The following RIN2 variants were observed in gnomAD, a reference collection of about 807,000 sequenced individuals.
RIN2 encodes RAB5 interacting protein 2.
In RIN2, 36 loss-of-function variants were observed where a neutral mutation model predicts 78.0. The observed-to-expected ratio is 0.46, with a 90% CI of 0.35 to 0.61. The LOEUF (loss-of-function observed/expected upper bound fraction) is 0.61. Ranked by LOEUF, RIN2 falls within the 20% of genes least tolerant of loss-of-function variation. RIN2 has a pLI of 0.00. For missense variants in RIN2, 1,087 were observed against 1,159.7 expected (o/e 0.94, Z 0.91); for synonymous variants, 466 against 466.8 (o/e 1.00, Z 0.02).
chr20:19,787,445 AAGAGAG>A (rs1182054268), intron 1 of RIN2, among the ~76,000 whole-genome samples: 2 of 148,148 alleles, frequency 1.3e-5, no homozygotes, highest in Non-Finnish European at 3.0e-5. Context: ...AAAAAAAAAA[AAGAGAG>A]AGAGAGAGAG....
In RIN2 at chr20:19,975,413, A is replaced by T; in HGVS notation, c.1388A>T (p.Asp463Val). 2.5e-6 allele frequency: 4 copies of T among 1,614,050 alleles called. No individual in the cohort carries two copies. The highest frequency in any genetic ancestry group is 3.4e-6 in the Non-Finnish European group (4 of 1,179,892). The change falls in exon 9 of 13, where the codon GAC becomes GTC. Residue 463 changes from aspartate (D) to valine (V), a missense_variant. Physicochemically the swap from Asp to Val is radical, Grantham distance 152. This residue lies in a region of RIN2 where 706 missense variants were observed against 667.5 expected (regional missense o/e 1.06). Transcript: ENST00000255006. The surrounding 1 kb of genome is among the most constrained non-coding windows in gnomAD (Gnocchi z 4.9). Reference sequence around the variant, plus strand: ...GCGGACACCAACAGCAGCCTGGAGGACTACGAGGGGGAAAGTGACCAAGAG... The same window carrying T: ...GCGGACACCAACAGCAGCCTGGAGGTCTACGAGGGGGAAAGTGACCAAGAG... ...YEADTNSSLE[D>V]YEGESDQETM... is the part of the protein sequence containing the mutation.
intron 4 of RIN2, among the ~76,000 whole-genome samples, chr20:19,946,824 A>C (rs1180817436): frequency 6.6e-6 from 1 of 151,976 alleles, no homozygotes; most frequent in Non-Finnish European, 1.5e-5. Flanking sequence ...TGATGTCAGG[A>C]GTTCGAGACC....
At chr20:19,890,567 T>C (rs2038401588) in intron 3 of RIN2, among the ~76,000 whole-genome samples, 1 of 150,154 alleles carries the variant, frequency 6.7e-6, no homozygotes, top group Non-Finnish European at 1.5e-5. Flanking sequence ...CAAGTGACTA[T>C]GTTTAACAAT....
At chr20:19,788,434 A>AAAAAAAAAAAAAAAAAAC (rs1555818702) in intron 1 of RIN2, among the ~76,000 whole-genome samples, 1 of 137,488 alleles carries the variant, frequency 7.3e-6, no homozygotes, top group African/African-American at 2.9e-5. Context: ...GTCTCTGCCA[A>AAAAAAAAAAAAAAAAAAC]AAAAAAAAAA....
intron 4 of RIN2, 43 bp downstream of exon 4, chr20:19,935,242 C>A (rs367605864): frequency 6.6e-7 from 1 of 1,508,848 alleles, no homozygotes; most frequent in Admixed American, 2.0e-5. Context: ...AGAAAGGGAT[C>A]GAGTGAACCC....
rs528080247 is a variant in RIN2, at chr20:19,990,103, A to G, written c.1860A>G (p.Ser620=). 3 of 1,601,054 alleles carry G rather than the reference A, an allele frequency of 1.9e-6. No homozygotes were observed. The African/African-American group carries it at 4.0e-5, about 21-fold the overall frequency. The change falls in exon 10 of 13, where the codon TCA becomes TCG. Residue 620 remains serine (S), a synonymous_variant. Coordinates refer to ENST00000255006, the MANE Select transcript of RIN2 (RefSeq NM_018993.4). The part of the protein sequence containing the change: ...MLKDFHMADG[S]WKQLKENLQL... ...AGGACTTTCACATGGCCGATGGCTC[A>G]TGGAAGCAACTCAAGGAGAACCTGC...
intron 4 of RIN2, among the ~76,000 whole-genome samples, chr20:19,938,672 T>C (rs1017942147): frequency 6.6e-6 from 1 of 152,212 alleles, no homozygotes; most frequent in Non-Finnish European, 1.5e-5. Context: ...GTTGGGAAGA[T>C]TAAGTGAGTT....
chr20:19,855,105 C>T (rs1410694018), intron 2 of RIN2, among the ~76,000 whole-genome samples: 14 of 152,086 alleles, frequency 9.2e-5, no homozygotes, highest in African/African-American at 2.9e-4. Context: ...TGTTGAATTT[C>T]GTCAAAGGCC....
rs548196811 is a variant in RIN2, at chr20:19,776,696, C to T, written c.-163+18369C>T. ...GCAGTGAGCCGAGATCACGCCACTG[C>T]GCTCCAGCCTGGGTGACAGAGTGAG... On this transcript the variant is annotated intron_variant, in intron 1 of 12. Transcript: ENST00000255006. Among the ~76,000 whole-genome samples, 15 of 151,106 alleles carry T rather than the reference C, an allele frequency of 9.9e-5. No individual in the cohort carries two copies. In the East Asian group the frequency reaches 2.5e-3, roughly 26 times the overall value.
At chr20:19,905,584 A>C (rs1038233963) in intron 3 of RIN2, among the ~76,000 whole-genome samples, 3 of 152,160 alleles carry the variant, frequency 2.0e-5, no homozygotes, top group Non-Finnish European at 4.4e-5. Flanking sequence ...AAACTAAGAA[A>C]GTCAAGTTCT....
At chr20:20,000,511 G>A (rs2043110523) in intron 12 of RIN2, 102 bp from the exon 13 acceptor site, 1 of 885,846 alleles carries the variant, frequency 1.1e-6, no homozygotes. Flanking sequence ...GACAGGAAAG[G>A]GCCTGGAAAT....
intron 2 of RIN2, among the ~76,000 whole-genome samples, chr20:19,839,139 T>A (rs539900361): frequency 6.6e-6 from 1 of 152,346 alleles, no homozygotes; most frequent in African/African-American, 2.4e-5. Context: ...ACGATCCCCC[T>A]GTCAGCTTTA....
chr20:19,766,791 C>T (rs61083722), intron 1 of RIN2, among the ~76,000 whole-genome samples: 4,012 of 151,834 alleles, frequency 0.026, 194 homozygotes, highest in African/African-American at 0.092. Flanking sequence ...CGTTGTGGCA[C>T]GCACCTGCTA....
chr20:19,841,135 T>G (rs944071966), intron 2 of RIN2, among the ~76,000 whole-genome samples: 1 of 152,076 alleles, frequency 6.6e-6, no homozygotes, highest in African/African-American at 2.4e-5. Flanking sequence ...AGAGTGGCTA[T>G]TCACAGATGT....
intron 3 of RIN2, among the ~76,000 whole-genome samples, chr20:19,928,493 G>T (rs367600917): frequency 1.3e-5 from 2 of 152,132 alleles, no homozygotes; most frequent in Non-Finnish European, 2.9e-5. Flanking sequence ...TGAGGTCCCC[G>T]CCTACTGAGA....
intron 1 of RIN2, among the ~76,000 whole-genome samples, chr20:19,781,311 G>A (rs62200333): frequency 0.036 from 5,528 of 152,274 alleles, 138 homozygotes; most frequent in East Asian, 0.097. Flanking sequence ...TGTAAGGAGT[G>A]TGTAGAATTC....
intron 2 of RIN2, among the ~76,000 whole-genome samples, chr20:19,838,628 G>A (rs1419626971): frequency 6.6e-6 from 1 of 152,128 alleles, no homozygotes; most frequent in African/African-American, 2.4e-5. Context: ...GCTGGGGGCT[G>A]GAGCTGGCTG....
chr20:19,904,423 A>G (rs1176365567), intron 3 of RIN2, among the ~76,000 whole-genome samples: 1 of 152,050 alleles, frequency 6.6e-6, no homozygotes, highest in Admixed American at 6.6e-5. Flanking sequence ...GAAGCAAATC[A>G]GAATTGGAGA....
chr20:19,862,882 A>G (rs539858367), intron 2 of RIN2, among the ~76,000 whole-genome samples: 2 of 152,170 alleles, frequency 1.3e-5, no homozygotes, highest in East Asian at 1.9e-4. Flanking sequence ...TCACTGCAAG[A>G]TCTTGTCTTT....
Sources: gnomAD v4.1 joint callset for allele counts (sites outside exome capture counted in the v4.1 genomes callset) on GRCh38, gnomAD v4.1.1 for gene constraint, gnomAD v4.1.1 regional missense constraint, Gnocchi (gnomAD v3.1) non-coding constraint, MANE v1.5 for transcripts, NCBI Gene and HGNC (gene_info 2026-07-23, HGNC 2026-07-21) for gene names.